CCDC30: variants seen among roughly 807,000 people sequenced by gnomAD.
CCDC30 encodes coiled-coil domain containing 30.
Under a neutral mutation model 100.2 loss-of-function variants are expected in CCDC30, and 70 were observed. The ratio of observed to expected loss-of-function variants is 0.70; its 90% CI spans 0.58 to 0.85. CCDC30 has a LOEUF of 0.85. Ranked by LOEUF, CCDC30 falls within the 40% of genes least tolerant of loss-of-function variation. CCDC30 has a pLI of 0.00. For synonymous variants in CCDC30, 233 were observed against 269.5 expected (o/e 0.86, Z 1.33); for missense variants, 652 against 771.2 (o/e 0.85, Z 1.83).
intron 3 of CCDC30, among the ~76,000 whole-genome samples, chr1:42,484,699 G>A (rs1456636957): frequency 6.6e-6 from 1 of 152,144 alleles, no homozygotes; most frequent in African/African-American, 2.4e-5. Flanking sequence ...TGTTTCCCAA[G>A]TATTAGCTTG....
chr1:42,620,877 G>A (rs1646817049), intron 11 of CCDC30, among the ~76,000 whole-genome samples: 1 of 152,168 alleles, frequency 6.6e-6, no homozygotes, highest in African/African-American at 2.4e-5. Context: ...GGGGCTTGGA[G>A]TTTCTATACC....
the CCDC30 span, chr1:42,457,066 T>C: frequency 6.3e-7 from 1 of 1,595,884 alleles, no homozygotes; most frequent in African/African-American, 1.3e-5. Context: ...AGGCACTCAA[T>C]CCGCTAGGTG....
exon 17 of CCDC30, chr1:42,654,067 A>C: frequency 2.7e-6 from 4 of 1,473,488 alleles, no homozygotes; most frequent in Non-Finnish European, 3.8e-6. Context: ...CAAAAGTGGT[A>C]ATTTAAAGCC....
intron 6 of CCDC30, among the ~76,000 whole-genome samples, chr1:42,553,193 GTTT>G (rs1053948768): frequency 2.0e-5 from 3 of 151,022 alleles, no homozygotes; most frequent in East Asian, 3.9e-4. Context: ...GGACTTTTTT[GTTT>G]TTTTTTTGTT....
intron 11 of CCDC30, among the ~76,000 whole-genome samples, chr1:42,623,869 G>A (rs1225108807): frequency 6.6e-6 from 1 of 152,072 alleles, no homozygotes; most frequent in Non-Finnish European, 1.5e-5. Flanking sequence ...CCAAGAACAT[G>A]GAATATCTTT....
intron 8 of CCDC30, among the ~76,000 whole-genome samples, chr1:42,578,829 A>G (rs1417586320): frequency 6.6e-6 from 1 of 152,186 alleles, no homozygotes; most frequent in East Asian, 1.9e-4. Context: ...GTCCCCTGGC[A>G]AAAGATCAAA....
chr1:42,515,469 G>T (rs1323734917), intron 6 of CCDC30, among the ~76,000 whole-genome samples: 1 of 152,174 alleles, frequency 6.6e-6, no homozygotes, highest in African/African-American at 2.4e-5. Context: ...AATGGCATTA[G>T]CATTTTTGTA....
At chr1:42,504,411 C>T (rs1644366785) in intron 6 of CCDC30, among the ~76,000 whole-genome samples, 1 of 152,176 alleles carries the variant, frequency 6.6e-6, no homozygotes, top group African/African-American at 2.4e-5. Context: ...CTCTTTCTCA[C>T]TACTTTCTGC....
chr1:42,481,534 G>C (rs891755610), intron 2 of CCDC30, among the ~76,000 whole-genome samples: 2 of 137,682 alleles, frequency 1.5e-5, no homozygotes, highest in African/African-American at 5.5e-5. Flanking sequence ...CCGAGATTAT[G>C]TCATTGCACT....
rs149761975 is a variant in CCDC30, at chr1:42,588,302, G to A, written c.1002-1019G>A. Among the ~76,000 whole-genome samples, 639 of 152,264 alleles carry A rather than the reference G, an allele frequency of 4.2e-3. 2 individuals carry two copies. Among genetic ancestry groups the A allele is most frequent in the African/African-American group, 9.1e-3 (377 of 41,542 alleles). ...GAGTGCTAATGGCCCTTGTAGGGGT[G>A]GAGGGAAAATTTCCCCTCCCCTTCT... On this transcript the variant is annotated intron_variant, in intron 9 of 16. Coordinates refer to ENST00000668663, the Ensembl canonical transcript of CCDC30.
intron 8 of CCDC30, among the ~76,000 whole-genome samples, chr1:42,580,338 A>C (rs1283093224): frequency 1.3e-5 from 2 of 152,220 alleles, no homozygotes; most frequent in Non-Finnish European, 2.9e-5. Context: ...ACCTAGGTGC[A>C]GGGGCTTGGG....
intron 6 of CCDC30, among the ~76,000 whole-genome samples, chr1:42,528,351 GCT>G (rs1644755142): frequency 6.6e-6 from 1 of 152,190 alleles, no homozygotes; most frequent in Non-Finnish European, 1.5e-5. Context: ...CCCACACCTT[GCT>G]CTGTCATTCA....
chr1:42,588,691 G>T (rs555732149), intron 9 of CCDC30, among the ~76,000 whole-genome samples: 1 of 152,144 alleles, frequency 6.6e-6, no homozygotes, highest in Non-Finnish European at 1.5e-5. Flanking sequence ...TTTCAGGGAG[G>T]GGATGGGTAT....
chr1:42,570,701 T>C (rs79279689), intron 7 of CCDC30, among the ~76,000 whole-genome samples: 1,854 of 147,968 alleles, frequency 0.013, 30 homozygotes, highest in African/African-American at 0.042. Context: ...TTCAAAATTA[T>C]ATTTCAAAAA....
chr1:42,575,279 T>A (rs1645809200), intron 7 of CCDC30, among the ~76,000 whole-genome samples: 1 of 152,196 alleles, frequency 6.6e-6, no homozygotes. Context: ...ATCATTCATT[T>A]ACTTGCTCAG....
At chr1:42,473,708 C>T (rs1643839144) in intron 1 of CCDC30, 1 of 166,144 alleles carries the variant, frequency 6.0e-6, no homozygotes, top group Non-Finnish European at 1.3e-5. Context: ...GAGACACCTC[C>T]TTTTTAATTG....
chr1:42,461,833 CCG>C (rs1372689431), upstream of CCDC30, among the ~76,000 whole-genome samples: 1 of 152,122 alleles, frequency 6.6e-6, no homozygotes, highest in East Asian at 1.9e-4. Context: ...GCGTGAGCCA[CCG>C]CGCCCAGCCA....
At chr1:42,623,798 C>A (rs752786412) in intron 11 of CCDC30, among the ~76,000 whole-genome samples, 1 of 152,130 alleles carries the variant, frequency 6.6e-6, no homozygotes, top group Non-Finnish European at 1.5e-5. Flanking sequence ...GTAGGGATTG[C>A]ATTGAATCTG....
At chr1:42,593,470 T>G (rs1646226819) in intron 10 of CCDC30, 1 of 152,188 alleles carries the variant, frequency 6.6e-6, no homozygotes. Flanking sequence ...CCTGTCCTTT[T>G]GGGGATTTAT....
Sources: gnomAD v4.1 joint callset for allele counts (sites outside exome capture counted in the v4.1 genomes callset) on GRCh38, gnomAD v4.1.1 for gene constraint, MANE v1.5 for transcripts, NCBI Gene and HGNC (gene_info 2026-07-23, HGNC 2026-07-21) for gene names.